Variants in CPPED1 observed in about 807,000 individuals in gnomAD.
CPPED1 encodes the protein calcineurin like phosphoesterase domain containing 1.
In CPPED1, 28 loss-of-function variants were observed where a neutral mutation model predicts 28.0. The ratio of observed to expected loss-of-function variants is 1.00; its 90% CI spans 0.74 to 1.37. CPPED1 has a LOEUF of 1.37. Ranked by LOEUF, CPPED1 falls within the 40% of genes most tolerant of loss-of-function variation. CPPED1 has a pLI of 0.00. For synonymous variants in CPPED1, 198 were observed against 180.2 expected (o/e 1.10, Z -0.79); for missense variants, 504 against 416.5 (o/e 1.21, Z -1.83).
intron 1 of CPPED1, among the ~76,000 whole-genome samples, chr16:12,801,058 A>G (rs1313259525): frequency 6.6e-6 from 1 of 152,124 alleles, no homozygotes; most frequent in African/African-American, 2.4e-5. Context: ...TGGACAGTGC[A>G]ATAGGAATAT....
intron 1 of CPPED1, among the ~76,000 whole-genome samples, chr16:12,785,037 G>C (rs1036777399): frequency 6.6e-6 from 1 of 152,106 alleles, no homozygotes; most frequent in African/African-American, 2.4e-5. Context: ...GTTTACTCAG[G>C]AATCTTCATT....
At chr16:12,685,431 C>T (rs1342688576) in intron 3 of CPPED1, among the ~76,000 whole-genome samples, 1 of 152,158 alleles carries the variant, frequency 6.6e-6, no homozygotes, top group African/African-American at 2.4e-5. Flanking sequence ...GCCTGGGTGA[C>T]AGAGCGAGAT....
Position 12,660,346 on chromosome 16 carries a change from A to G in CPPED1, c.*4540T>C, listed in dbSNP as rs2079787002. 2 of 152,212 alleles carry G rather than the reference A, an allele frequency of 1.3e-5. No homozygotes were observed. The highest frequency in any genetic ancestry group is 2.9e-5 in the Non-Finnish European group (2 of 68,034). 9.4% of individuals were successfully genotyped at this position (152,212 alleles called of 1,614,324 possible). On this transcript the variant is annotated 3_prime_UTR_variant, in exon 4 of 4. Coordinates refer to ENST00000381774, the MANE Select transcript of CPPED1 (RefSeq NM_018340.3). The stretch of plus-strand genomic sequence containing the variant: ...TTAATCGACTTCATTTACATAGATA[A>G]AGCCTAAAGGAAAAATCCAATCTGT...
chr16:12,781,338 T>G lies in CPPED1; in HGVS notation c.136A>C (p.Ile46Leu). 1 of 1,614,146 alleles carries G rather than the reference T, an allele frequency of 6.2e-7. No individual in the cohort carries two copies. The highest frequency in any genetic ancestry group is 8.5e-7 in the Non-Finnish European group (1 of 1,180,030). The change falls in exon 2 of 4, where the codon ATC (isoleucine) becomes CTC (leucine). Residue 46 changes from isoleucine to leucine, a missense_variant. By Grantham distance (5) the Ile-to-Leu change is conservative. Transcript: ENST00000381774. Reference protein sequence around the residue: ...ILGADPQFGLIKAWSTGDCDN... With the variant: ...ILGADPQFGLLKAWSTGDCDN... The stretch of plus-strand genomic sequence containing the variant: ...CAGTCCCCAGTGGACCAGGCCTTGA[T>G]CAGCCCAAACTGTGGGTCTGCGCCC...
rs986567884 is a variant in CPPED1 at position 12,662,199 on chromosome 16, A to G, written c.*2687T>C. 2 of 152,190 alleles carry G rather than the reference A, an allele frequency of 1.3e-5. No homozygotes were observed. The highest frequency in any genetic ancestry group is 4.8e-5 in the African/African-American group (2 of 41,442). 9.4% of individuals were successfully genotyped at this position (152,190 alleles called of 1,614,324 possible). ...CACAGTATAAGGCACTTATTTTTTGATATCATTCTCTTTTTTTAAAGGCAA... is the reference window on the plus strand; with the variant it reads ...CACAGTATAAGGCACTTATTTTTTGGTATCATTCTCTTTTTTTAAAGGCAA... On this transcript the variant is annotated 3_prime_UTR_variant, in exon 4 of 4. Transcript: ENST00000381774.
intron 1 of CPPED1, among the ~76,000 whole-genome samples, chr16:12,791,913 T>TAGC (rs2141244863): frequency 6.6e-6 from 1 of 152,024 alleles, no homozygotes; most frequent in South Asian, 2.1e-4. Flanking sequence ...CCACTCATTC[T>TAGC]AGCACTTGGG....
At chr16:12,772,011 T>C (rs1200385427) in intron 2 of CPPED1, among the ~76,000 whole-genome samples, 1 of 152,044 alleles carries the variant, frequency 6.6e-6, no homozygotes, top group Non-Finnish European at 1.5e-5. Flanking sequence ...TAATCCCAGC[T>C]ACTTGGGAGG....
intron 3 of CPPED1, among the ~76,000 whole-genome samples, chr16:12,692,054 A>C (rs545504661): frequency 6.6e-6 from 1 of 152,016 alleles, no homozygotes; most frequent in African/African-American, 2.4e-5. Flanking sequence ...GGGTTTTGCC[A>C]TGTTTGCCAG....
intron 1 of CPPED1, among the ~76,000 whole-genome samples, chr16:12,800,315 G>A (rs566222526): frequency 6.6e-6 from 1 of 151,938 alleles, no homozygotes; most frequent in Non-Finnish European, 1.5e-5. Context: ...GTACATGCCT[G>A]TAATCCCAGC....
At position 12,738,735 on chromosome 16, in the gene CPPED1, C is replaced by G. The variant is rs1364614725; in HGVS notation, c.290-33686G>C. ...ATTTAGTAGCCTACCATACAAGGTC[C>G]TGCTAAAAATTATAACCCTACTCAT... On this transcript the variant is annotated intron_variant, in intron 2 of 3. Transcript: ENST00000381774. Among the ~76,000 whole-genome samples the G allele has an allele frequency of 2.6e-5, 4 of 152,116 alleles. No individual in the cohort carries two copies. The South Asian group carries it at 8.3e-4, about 32-fold the overall frequency.
At chr16:12,685,420 A>G (rs2141174790) in intron 3 of CPPED1, among the ~76,000 whole-genome samples, 1 of 152,372 alleles carries the variant, frequency 6.6e-6, no homozygotes, top group East Asian at 1.9e-4. Context: ...ACTGCACTCC[A>G]GCCTGGGTGA....
Position 12,688,539 on chromosome 16 carries a change from A to G in CPPED1, c.715+16085T>C, listed in dbSNP as rs188112481. Among the ~76,000 whole-genome samples, 300 of 152,154 alleles carry G rather than the reference A, an allele frequency of 2.0e-3. 1 individual carries two copies. Among genetic ancestry groups the G allele is most frequent in the African/African-American group, 6.8e-3 (282 of 41,502 alleles). ...TTTTTAGTAGAGATGGAGTTTTGCC[A>G]TGTTGGCCAGGCTGGTCTCGAACTC... On this transcript the variant is annotated intron_variant, in intron 3 of 3. Coordinates refer to ENST00000381774, the MANE Select transcript of CPPED1 (RefSeq NM_018340.3).
At chr16:12,713,367 T>C (rs1300016190) in intron 2 of CPPED1, among the ~76,000 whole-genome samples, 3 of 152,166 alleles carry the variant, frequency 2.0e-5, no homozygotes, top group Non-Finnish European at 4.4e-5. Flanking sequence ...TCTTCTTTTT[T>C]ATTTTTTATT....
At chr16:12,695,114 T>C (rs1229745568) in intron 3 of CPPED1, among the ~76,000 whole-genome samples, 1 of 152,126 alleles carries the variant, frequency 6.6e-6, no homozygotes, top group Non-Finnish European at 1.5e-5. Context: ...CACTGTAACA[T>C]GATTGTCACT....
chr16:12,799,151 A>G (rs2080643744), intron 1 of CPPED1, among the ~76,000 whole-genome samples: 1 of 152,142 alleles, frequency 6.6e-6, no homozygotes, highest in Non-Finnish European at 1.5e-5. Flanking sequence ...GCAAAGGTGA[A>G]GGGTTCAGAG....
chr16:12,714,742 G>T (rs1308514127), intron 2 of CPPED1, among the ~76,000 whole-genome samples: 3 of 152,112 alleles, frequency 2.0e-5, no homozygotes, highest in African/African-American at 7.2e-5. Flanking sequence ...CATTTGGTGG[G>T]CTGTCTTTTC....
In CPPED1 at chr16:12,664,311, G is replaced by T. The variant is rs192012939; in HGVS notation, c.*575C>A. ...CAACTGCATTCTGTTCCTATCATCA[G>T]AAGTCTCAGAATTGAACAGTAAATG... is the stretch of plus-strand genomic sequence containing the variant. On this transcript the variant is annotated 3_prime_UTR_variant, in exon 4 of 4. Transcript: ENST00000381774. The surrounding 1 kb of genome is among the most constrained non-coding windows in gnomAD (Gnocchi z 4.2). The T allele has an allele frequency of 7.7e-5, 72 of 938,416 alleles. No individual in the cohort carries two copies. The highest frequency in any genetic ancestry group is 1.2e-4 in the Admixed American group (2 of 16,224). 58.1% of individuals were successfully genotyped at this position (938,416 alleles called of 1,614,324 possible).
chr16:12,742,438 T>C (rs1003031438), intron 2 of CPPED1, among the ~76,000 whole-genome samples: 10 of 152,206 alleles, frequency 6.6e-5, no homozygotes, highest in African/African-American at 1.9e-4. Context: ...AAGATAATGA[T>C]TGCCAACCTT....
chr16:12,675,742 G>A (rs1000109573), intron 3 of CPPED1, among the ~76,000 whole-genome samples: 1 of 152,186 alleles, frequency 6.6e-6, no homozygotes, highest in African/African-American at 2.4e-5. Context: ...GCTTTACGTT[G>A]CCAGCTATAA....
Sources: allele counts gnomAD v4.1 joint callset (sites outside exome capture counted in the v4.1 genomes callset), GRCh38; gene constraint gnomAD v4.1.1; non-coding constraint Gnocchi (gnomAD v3.1); transcripts MANE v1.5; gene names NCBI Gene and HGNC (gene_info 2026-07-23, HGNC 2026-07-21).